The following SQSTM1 variants were observed in gnomAD, a reference collection of about 807,000 sequenced individuals.
SQSTM1 encodes the protein sequestosome 1.
A neutral mutation model predicts 45.1 loss-of-function variants in SQSTM1; 36 were observed. The observed-to-expected ratio is 0.80, with a 90% confidence interval of 0.61 to 1.05. The LOEUF is 1.05. SQSTM1 is among the 50% of genes least tolerant of loss of function. SQSTM1 has a pLI of 0.00. For missense variants in SQSTM1, 617 were observed against 607.1 expected (o/e 1.02, Z -0.17); for synonymous variants, 290 against 244.3 (o/e 1.19, Z -1.74).
At chr5:179,809,584 G>A (rs888010574) in intron 1 of SQSTM1, among the ~76,000 whole-genome samples, 11 of 145,560 alleles carry the variant, frequency 7.6e-5, no homozygotes, top group Non-Finnish European at 1.5e-4. Flanking sequence ...TGATCCACCT[G>A]CTTCAGCCTC....
chr5:179,830,486 A>G (rs1165534454), intron 5 of SQSTM1, among the ~76,000 whole-genome samples: 1 of 151,772 alleles, frequency 6.6e-6, no homozygotes, highest in Non-Finnish European at 1.5e-5. Context: ...GGCTCAAGTG[A>G]TCCTTCTGCT....
chr5:179,834,371 G>A (rs1355740467), intron 7 of SQSTM1, among the ~76,000 whole-genome samples: 6 of 152,162 alleles, frequency 3.9e-5, no homozygotes, highest in African/African-American at 1.4e-4. Context: ...GCAGGGGATG[G>A]CGAGCTATGG....
At chr5:179,826,849 G>C (rs927727190) in intron 5 of SQSTM1, among the ~76,000 whole-genome samples, 1 of 152,098 alleles carries the variant, frequency 6.6e-6, no homozygotes, top group East Asian at 1.9e-4. Flanking sequence ...CCAAAGTGCT[G>C]GGATTACAGG....
intron 4 of SQSTM1, 29 bp from the exon 5 acceptor site, chr5:179,825,117 T>C: frequency 6.3e-7 from 1 of 1,599,602 alleles, no homozygotes. Flanking sequence ...ATTAAAGATA[T>C]CTTTATCTTA....
At chr5:179,835,449 C>T (rs1758497301) in intron 7 of SQSTM1, 1 of 155,958 alleles carries the variant, frequency 6.4e-6, no homozygotes, top group South Asian at 1.7e-4. Flanking sequence ...CTCGGGAGGC[C>T]GAGGCTGGCG....
Position 179,837,161 on chromosome 5 carries a change from C to G in SQSTM1, c.*568C>G, listed in dbSNP as rs1411768616. 2.2e-5 allele frequency: 32 copies of G among 1,467,254 alleles called. No homozygotes were observed. Among genetic ancestry groups the G allele is most frequent in the Admixed American group, 5.9e-5 (3 of 50,972 alleles). 90.9% of individuals were successfully genotyped at this position (1,467,254 alleles called of 1,614,324 possible). A position where few individuals can be genotyped will look rare whatever the true frequency, so the allele number is the denominator to read the frequency against. On this transcript the variant is annotated 3_prime_UTR_variant, in exon 8 of 8. Coordinates refer to ENST00000389805, the MANE Select transcript of SQSTM1 (RefSeq NM_003900.5). ...TTCACCACTGTAGTTCTCTCATTTC[C>G]AAACCATCAGCTGCTTTTAAAATAA...
intron 7 of SQSTM1, among the ~76,000 whole-genome samples, chr5:179,834,236 TGG>T (rs575654168): frequency 2.8e-4 from 2 of 7,056 alleles, no homozygotes; most frequent in African/African-American, 1.7e-3. Context: ...CAGGCAGCAG[TGG>T]GGGGGTGGGG....
rs1451517595 is a variant in SQSTM1, at chr5:179,837,897, G to A, written c.*1304G>A. The A allele has an allele frequency of 3.1e-6, 5 of 1,598,620 alleles. No homozygotes were observed. Among genetic ancestry groups the A allele is most frequent in the Admixed American group, 3.3e-5 (2 of 59,886 alleles). On this transcript the variant is annotated 3_prime_UTR_variant, in exon 8 of 8. Transcript: ENST00000389805. ...AGGCCAGCCTGTCCCTGAAAGAGAAGATGGCCATGCCCTCCATGTGTAAGA... is the reference window on the plus strand; with the variant it reads ...AGGCCAGCCTGTCCCTGAAAGAGAAAATGGCCATGCCCTCCATGTGTAAGA...
chr5:179,825,984 A>C (rs1185432164), intron 5 of SQSTM1, among the ~76,000 whole-genome samples: 1 of 152,116 alleles, frequency 6.6e-6, no homozygotes, highest in East Asian at 1.9e-4. Flanking sequence ...GGACACCTGC[A>C]TCTCTCGCTA....
chr5:179,822,527 C>G, intron 1 of SQSTM1: 1 of 295,914 alleles, frequency 3.4e-6, no homozygotes, highest in Non-Finnish European at 6.7e-6. Flanking sequence ...TTCTCCTTTA[C>G]TCCCAAGCCA....
chr5:179,811,182 G>A (rs557888841), intron 1 of SQSTM1, among the ~76,000 whole-genome samples: 2 of 151,886 alleles, frequency 1.3e-5, no homozygotes, highest in South Asian at 2.1e-4. Context: ...TCAGTGAGCC[G>A]AGATCGCACC....
At position 179,823,962 on chromosome 5, in the gene SQSTM1, G is replaced by A; in HGVS notation, c.406G>A (p.Val136Ile). Reference sequence around the variant, plus strand: ...CTGCGATGGCTGCAATGGGCCTGTGGTAGGAACCCGCTACAAGTGCAGCGT... The same window carrying A: ...CTGCGATGGCTGCAATGGGCCTGTGATAGGAACCCGCTACAAGTGCAGCGT... ...VICDGCNGPV[V>I]GTRYKCSVCP... is the part of the protein sequence containing the mutation. The change falls in exon 3 of 8, where the codon GTA (valine) becomes ATA (isoleucine). Residue 136 changes from valine to isoleucine, a missense_variant. Coordinates refer to ENST00000389805, the MANE Select transcript of SQSTM1 (RefSeq NM_003900.5). 2 of 1,614,064 alleles carry A rather than the reference G, an allele frequency of 1.2e-6. No homozygotes were observed. Among genetic ancestry groups the A allele is most frequent in the South Asian group, 2.2e-5 (2 of 91,088 alleles).
rs546927750 is a variant in SQSTM1, at chr5:179,806,980, G to A, written c.-157+389G>A. The A allele has an allele frequency of 1.3e-5, 2 of 150,000 alleles. No individual in the cohort carries two copies. The highest frequency in any genetic ancestry group is 3.9e-4 in the East Asian group (2 of 5,104). 9.3% of individuals were successfully genotyped at this position (150,000 alleles called of 1,614,324 possible). On this transcript the variant is annotated intron_variant, in intron 1 of 5. Transcript: ENST00000514093. The surrounding 1 kb of genome is among the most constrained non-coding windows in gnomAD (Gnocchi z 4.6). ...CTGGATCTGGGGCCGCCGCGGAGTC[G>A]ACGGCGCAGGGCGGGGCGGCCCGGA... is the stretch of plus-strand genomic sequence containing the variant.
At chr5:179,817,665 T>C (rs1052969669), upstream of SQSTM1, among the ~76,000 whole-genome samples, 2 of 152,286 alleles carry the variant, frequency 1.3e-5, no homozygotes, top group East Asian at 3.9e-4. Context: ...GCCCCTCCCA[T>C]GGCCCCCGTG....
At chr5:179,832,332 T>C (rs979551613) in intron 5 of SQSTM1, among the ~76,000 whole-genome samples, 2 of 152,210 alleles carry the variant, frequency 1.3e-5, no homozygotes, top group South Asian at 2.1e-4. Context: ...TCAAAAATAG[T>C]GCAGGTGATT....
At chr5:179,828,183 G>C (rs1758073470) in intron 5 of SQSTM1, among the ~76,000 whole-genome samples, 2 of 152,186 alleles carry the variant, frequency 1.3e-5, no homozygotes, top group African/African-American at 4.8e-5. Flanking sequence ...AGCCTGTCCA[G>C]TCTTACGACA....
At chr5:179,814,822 G>A (rs1448125551), upstream of SQSTM1, among the ~76,000 whole-genome samples, 1 of 152,112 alleles carries the variant, frequency 6.6e-6, no homozygotes, top group Non-Finnish European at 1.5e-5. Context: ...TTAGGAGGCC[G>A]AGGCGGGAGG....
At chr5:179,813,876 A>G (rs547887616) in intron 2 of SQSTM1, among the ~76,000 whole-genome samples, 10 of 152,378 alleles carry the variant, frequency 6.6e-5, no homozygotes, top group Non-Finnish European at 1.3e-4. Context: ...ATGGCACCAC[A>G]GGCAAACAGA....
intron 5 of SQSTM1, among the ~76,000 whole-genome samples, chr5:179,832,551 C>T (rs935037929): frequency 6.6e-6 from 1 of 152,214 alleles, no homozygotes; most frequent in African/African-American, 2.4e-5. Context: ...GCTGGAAGCG[C>T]CTGCCACATG....
Sources: allele counts gnomAD v4.1 joint callset (sites outside exome capture counted in the v4.1 genomes callset), GRCh38; gene constraint gnomAD v4.1.1; non-coding constraint Gnocchi (gnomAD v3.1); transcripts MANE v1.5; gene names NCBI Gene and HGNC (gene_info 2026-07-23, HGNC 2026-07-21).